Variants in CELF2 observed in about 807,000 individuals in gnomAD.
CELF2 encodes CUG triplet repeat RNA-binding protein 2.
In CELF2, 8 loss-of-function variants were observed where a neutral mutation model predicts 62.6. The observed-to-expected ratio is 0.13, with a 90% CI of 0.07 to 0.23. CELF2 has a LOEUF of 0.23. CELF2 is among the 10% of genes least tolerant of loss of function. The pLI is 1.00. For missense variants in CELF2, 333 were observed against 671.0 expected (o/e 0.50, Z 5.56); for synonymous variants, 258 against 250.0 (o/e 1.03, Z -0.30).
rs1303051337 is a variant in CELF2 at position 11,334,881 on chromosome 10, T to C, written c.*5828T>C. The C allele has an allele frequency of 6.6e-6, 1 of 152,242 alleles. No homozygotes were observed. Among genetic ancestry groups the C allele is most frequent in the Non-Finnish European group, 1.5e-5 (1 of 68,040 alleles). 9.4% of individuals were successfully genotyped at this position (152,242 alleles called of 1,614,324 possible). A position where few individuals can be genotyped will look rare whatever the true frequency, so the allele number is the denominator to read the frequency against. On this transcript the variant is annotated 3_prime_UTR_variant, in exon 13 of 13. Transcript: ENST00000633077. Reference sequence around the variant, plus strand: ...CAGTGAAAAGGGTTAAACTTAAGTCTATTATTTGTTGCCCTCAATCAAAAG... The same window carrying C: ...CAGTGAAAAGGGTTAAACTTAAGTCCATTATTTGTTGCCCTCAATCAAAAG...
At chr10:10,543,201 A>G in the CELF2 span, among the ~76,000 whole-genome samples, 1 of 152,132 alleles carries the variant, frequency 6.6e-6, no homozygotes, top group Non-Finnish European at 1.5e-5. Context: ...AGGGGTAGAG[A>G]AATGGTTGGT....
At chr10:10,930,773 A>G (rs1006926518) in intron 2 of CELF2, among the ~76,000 whole-genome samples, 1 of 152,122 alleles carries the variant, frequency 6.6e-6, no homozygotes, top group Non-Finnish European at 1.5e-5. Context: ...TTTCTCCTGT[A>G]TTTAAAGGGG....
intron 1 of CELF2, among the ~76,000 whole-genome samples, chr10:10,805,906 G>A (rs2055176543): frequency 1.3e-5 from 2 of 152,148 alleles, no homozygotes; most frequent in Admixed American, 1.3e-4. Flanking sequence ...TCTGCTAGAT[G>A]GGGGAGCAAT....
chr10:10,483,847 T>C, the CELF2 span, among the ~76,000 whole-genome samples: 1 of 151,902 alleles, frequency 6.6e-6, no homozygotes, highest in African/African-American at 2.4e-5. Flanking sequence ...GAAAGCCTGC[T>C]TGCCTGCCTG....
the CELF2 span, among the ~76,000 whole-genome samples, chr10:10,697,437 G>A: frequency 1.3e-5 from 2 of 152,214 alleles, no homozygotes; most frequent in Non-Finnish European, 2.9e-5. Flanking sequence ...AAGCTGGACG[G>A]AGACCAGTCT....
At chr10:10,704,437 G>T in the CELF2 span, among the ~76,000 whole-genome samples, 4 of 152,142 alleles carry the variant, frequency 2.6e-5, no homozygotes, top group African/African-American at 9.7e-5. Context: ...TTAGGAGGTT[G>T]AAATGCTTGA....
intron 2 of CELF2, among the ~76,000 whole-genome samples, chr10:11,183,342 CCTCTT>C (rs1223294594): frequency 6.6e-6 from 1 of 152,200 alleles, no homozygotes; most frequent in African/African-American, 2.4e-5. Flanking sequence ...CATCACCTCT[CCTCTT>C]GATGAGCCTT....
At chr10:10,627,912 T>C in the CELF2 span, among the ~76,000 whole-genome samples, 2 of 152,214 alleles carry the variant, frequency 1.3e-5, no homozygotes, top group South Asian at 4.2e-4. Context: ...AATTATTTTA[T>C]TTTATTTTGA....
At position 11,197,027 on chromosome 10, in the gene CELF2, A is replaced by AGAG. The variant is rs1406923666; in HGVS notation, c.272-20398_272-20397insGAG. Reference sequence around the variant, plus strand: ...GAGAAAGAAAGAAAGAAAGAAAGAAAAGAAAGAAAGAAAGAAAGAAAGAAA... The same window carrying AGAG: ...GAGAAAGAAAGAAAGAAAGAAAGAAAGAGAGAAAGAAAGAAAGAAAGAAAGAAA... On this transcript the variant is annotated intron_variant, in intron 2 of 12. Coordinates refer to ENST00000633077, the MANE Select transcript of CELF2 (RefSeq NM_001326342.2). 3.5e-4 allele frequency among the ~76,000 whole-genome samples: 13 copies of AGAG among 37,014 alleles called. 3 individuals are homozygous for AGAG. The highest frequency in any genetic ancestry group is 2.4e-3 in the African/African-American group (13 of 5,446). 24.3% of individuals were successfully genotyped at this position (37,014 alleles called of 152,430 possible).
chr10:11,080,388 G>A (rs2073677085), intron 1 of CELF2, among the ~76,000 whole-genome samples: 1 of 152,192 alleles, frequency 6.6e-6, no homozygotes, highest in Non-Finnish European at 1.5e-5. Context: ...CATGGAATGA[G>A]CAAGTGGGCG....
At chr10:10,729,514 A>G in the CELF2 span, among the ~76,000 whole-genome samples, 2 of 152,228 alleles carry the variant, frequency 1.3e-5, no homozygotes, top group Non-Finnish European at 2.9e-5. Context: ...ATTCCTAATA[A>G]TAACATCATG....
the CELF2 span, among the ~76,000 whole-genome samples, chr10:10,727,273 G>T: frequency 2.6e-5 from 4 of 152,110 alleles, no homozygotes; most frequent in East Asian, 1.9e-4. Context: ...TCCCTCTAAG[G>T]GTTTCATCTG....
chr10:11,065,432 C>T (rs774809604), intron 1 of CELF2, among the ~76,000 whole-genome samples: 2 of 151,896 alleles, frequency 1.3e-5, no homozygotes, highest in Non-Finnish European at 2.9e-5. Flanking sequence ...GAAAGAGAAG[C>T]GTAGAAATAA....
At chr10:10,924,576 G>A (rs1460800624) in intron 2 of CELF2, among the ~76,000 whole-genome samples, 1 of 152,134 alleles carries the variant, frequency 6.6e-6, no homozygotes, top group African/African-American at 2.4e-5. Context: ...ATTCGTAAAT[G>A]AAGCTTAAAA....
upstream of CELF2, among the ~76,000 whole-genome samples, chr10:11,016,641 T>A (rs1043329852): frequency 3.3e-5 from 5 of 152,240 alleles, no homozygotes; most frequent in African/African-American, 1.2e-4. This position sits in a 1 kb window ranked among gnomAD's most constrained non-coding sequence, Gnocchi z 5.2. Context: ...CTGATACATT[T>A]AACTATTTGT....
the CELF2 span, among the ~76,000 whole-genome samples, chr10:10,666,946 CACACAT>C: frequency 6.6e-6 from 1 of 151,672 alleles, no homozygotes; most frequent in Non-Finnish European, 1.5e-5. Context: ...TGGTTTTGCA[CACACAT>C]TCACACACAC....
the CELF2 span, among the ~76,000 whole-genome samples, chr10:10,670,238 T>C: frequency 6.6e-6 from 1 of 152,104 alleles, no homozygotes; most frequent in Non-Finnish European, 1.5e-5. Context: ...GCTCAACATA[T>C]ATTTGTTGAA....
intron 1 of CELF2, among the ~76,000 whole-genome samples, chr10:10,853,384 T>C (rs1264462549): frequency 2.6e-5 from 4 of 151,910 alleles, no homozygotes; most frequent in Non-Finnish European, 5.9e-5. Flanking sequence ...GGTGGGCAGG[T>C]AGGGGGGCAG....
chr10:10,882,464 C>A (rs1334621914), intron 1 of CELF2, among the ~76,000 whole-genome samples: 1 of 152,204 alleles, frequency 6.6e-6, no homozygotes, highest in Middle Eastern at 3.2e-3. Flanking sequence ...CTTGTCTGAA[C>A]AGGGAAGGAA....
Sources: allele counts gnomAD v4.1 joint callset (sites outside exome capture counted in the v4.1 genomes callset), GRCh38; gene constraint gnomAD v4.1.1; non-coding constraint Gnocchi (gnomAD v3.1); transcripts MANE v1.5; gene names NCBI Gene and HGNC (gene_info 2026-07-23, HGNC 2026-07-21).